Variants in QRICH1 observed in about 807,000 individuals in gnomAD.
QRICH1 encodes transcriptional regulator QRICH1.
A neutral mutation model predicts 87.1 loss-of-function variants in QRICH1; 16 were observed. The observed-to-expected ratio is 0.18, with a 90% CI of 0.12 to 0.28. The LOEUF (loss-of-function observed/expected upper bound fraction) is 0.28, where lower values mean the gene tolerates loss of function less well. Ranked by LOEUF, QRICH1 falls within the 10% of genes least tolerant of loss-of-function variation. The pLI, the probability that QRICH1 is intolerant of heterozygous loss-of-function variation, is 1.00. For missense variants in QRICH1, 647 were observed against 951.7 expected (o/e 0.68, Z 4.21); for synonymous variants, 367 against 368.4 (o/e 1.00, Z 0.05).
chr3:49,062,065 C>T (rs2093438132), intron 2 of QRICH1, among the ~76,000 whole-genome samples: 1 of 151,838 alleles, frequency 6.6e-6, no homozygotes, highest in Non-Finnish European at 1.5e-5. Context: ...TGGCCAGATG[C>T]GGTGGCTCAC....
chr3:49,037,225 A>G (rs1402709689), intron 6 of QRICH1, among the ~76,000 whole-genome samples: 4 of 152,198 alleles, frequency 2.6e-5, no homozygotes, highest in African/African-American at 9.7e-5. Context: ...CCAACTATGA[A>G]GTAATCTTGC....
chr3:49,075,638 AAAAC>A (rs199994093), intron 2 of QRICH1, among the ~76,000 whole-genome samples: 26 of 150,262 alleles, frequency 1.7e-4, no homozygotes, highest in African/African-American at 3.6e-4. Context: ...ACTCAAAGAA[AAAAC>A]AAACAAACAA....
intron 6 of QRICH1, among the ~76,000 whole-genome samples, chr3:49,040,458 GA>G (rs912315894): frequency 9.3e-5 from 14 of 150,680 alleles, no homozygotes; most frequent in Non-Finnish European, 1.8e-4. Flanking sequence ...AAAAGGAGGG[GA>G]AAAAAAAAGA....
At chr3:49,040,468 G>A (rs2093303592) in intron 6 of QRICH1, among the ~76,000 whole-genome samples, 2 of 152,166 alleles carry the variant, frequency 1.3e-5, no homozygotes, top group African/African-American at 4.8e-5. Context: ...GAAAAAAAAA[G>A]ACAAAGTACT....
At chr3:49,054,575 T>C (rs2093389957) in intron 3 of QRICH1, among the ~76,000 whole-genome samples, 1 of 151,912 alleles carries the variant, frequency 6.6e-6, no homozygotes. Context: ...TTTATGCTGT[T>C]CCATTCTTTT....
intron 2 of QRICH1, among the ~76,000 whole-genome samples, chr3:49,075,690 C>CAGCACTTT (rs2041937427): frequency 6.6e-6 from 1 of 151,894 alleles, no homozygotes; most frequent in Non-Finnish European, 1.5e-5. Context: ...CCAGTAATCC[C>CAGCACTTT]AGCACTTTGG....
At chr3:49,048,118 A>ATTTC (rs1381145882) in intron 3 of QRICH1, among the ~76,000 whole-genome samples, 1 of 135,806 alleles carries the variant, frequency 7.4e-6, no homozygotes, top group African/African-American at 2.7e-5. Context: ...CTGAGACAAC[A>ATTTC]TTTCTTTCTT....
chr3:49,030,587 C>G lies in QRICH1; in HGVS notation c.2196G>C (p.Val732=). The G allele has an allele frequency of 1.9e-6, 3 of 1,611,846 alleles. No homozygotes were observed. The highest frequency in any genetic ancestry group is 2.5e-6 in the Non-Finnish European group (3 of 1,178,642). ...AGTACCAGATTGGGCTGTTGGGGGC[C>G]ACCACTGGCTCAGGTGTCAGGTAAA... ...DTFYLTPEPV[V]APNSPIWYSV... The change falls in exon 10 of 10, where the codon GTG becomes GTC. Residue 732 remains valine, a synonymous_variant. Coordinates refer to ENST00000395443, the MANE Select transcript of QRICH1 (RefSeq NM_198880.3).
At chr3:49,043,294 G>A (rs1315148768) in intron 6 of QRICH1, among the ~76,000 whole-genome samples, 11 of 151,280 alleles carry the variant, frequency 7.3e-5, no homozygotes, top group Middle Eastern at 6.8e-3. Context: ...TCAGGAGTTC[G>A]AGACCACCAT....
At chr3:49,094,359 C>T (rs937195059), upstream of QRICH1, 1 of 269,582 alleles carries the variant, frequency 3.7e-6, no homozygotes, top group Non-Finnish European at 6.9e-6. Context: ...GCCAGAGCCT[C>T]CTTTGGTCGA....
chr3:49,090,414 G>A (rs1356868455), intron 1 of QRICH1, among the ~76,000 whole-genome samples: 2 of 149,526 alleles, frequency 1.3e-5, no homozygotes, highest in Non-Finnish European at 3.0e-5. Context: ...AGCCGAGATC[G>A]TGCCACTGCA....
In QRICH1 at chr3:49,086,366, C is replaced by A. The variant is rs558166878; in HGVS notation, c.-22+7546G>T. ...CCACCTCCTGGATTCACACCATTCTCCTGCCTCAGCCTCCCAAGTAGCTGG... is the reference window on the plus strand; with the variant it reads ...CCACCTCCTGGATTCACACCATTCTACTGCCTCAGCCTCCCAAGTAGCTGG... On this transcript the variant is annotated intron_variant, in intron 1 of 9. Transcript: ENST00000395443. Among the ~76,000 whole-genome samples, 5 of 151,990 alleles carry A rather than the reference C, an allele frequency of 3.3e-5. No homozygotes were observed. The East Asian group carries it at 9.7e-4, about 29-fold the overall frequency.
intron 6 of QRICH1, among the ~76,000 whole-genome samples, chr3:49,041,029 GTGATCTTAACTCAA>G (rs1337525813): frequency 6.6e-6 from 1 of 152,152 alleles, no homozygotes; most frequent in Admixed American, 6.5e-5. Context: ...GCAGTGGCAA[GTGATCTTAACTCAA>G]TGCAACCTCC....
intron 2 of QRICH1, among the ~76,000 whole-genome samples, chr3:49,066,965 G>T (rs1226899062): frequency 6.6e-6 from 1 of 151,910 alleles, no homozygotes; most frequent in Non-Finnish European, 1.5e-5. Context: ...TTGAACCTGG[G>T]GGGCGGAGGT....
intron 2 of QRICH1, among the ~76,000 whole-genome samples, chr3:49,066,936 G>A (rs1384594183): frequency 6.6e-6 from 1 of 151,874 alleles, no homozygotes; most frequent in Non-Finnish European, 1.5e-5. Flanking sequence ...GACTCAGGAG[G>A]CTGAGGTAGG....
Position 49,030,577 on chromosome 3 carries a change from T to C in QRICH1, c.2206A>G (p.Ser736Gly). The C allele has an allele frequency of 6.2e-7, 1 of 1,612,756 alleles. No homozygotes were observed. The highest frequency in any genetic ancestry group is 8.5e-7 in the Non-Finnish European group (1 of 1,179,208). The change falls in exon 10 of 10, where the codon AGC becomes GGC. Residue 736 changes from serine (S) to glycine (G), a missense_variant. This residue lies in a region of QRICH1 where 56 missense variants were observed against 79.4 expected (regional missense o/e 0.71). Coordinates refer to ENST00000395443, the MANE Select transcript of QRICH1 (RefSeq NM_198880.3). ...LTPEPVVAPN[S>G]PIWYSVQPIS... is the part of the protein sequence containing the mutation. The stretch of plus-strand genomic sequence containing the variant: ...GGCTGGACTGAGTACCAGATTGGGC[T>C]GTTGGGGGCCACCACTGGCTCAGGT...
intron 3 of QRICH1, among the ~76,000 whole-genome samples, chr3:49,052,378 C>A (rs1193397475): frequency 6.6e-6 from 1 of 152,082 alleles, no homozygotes; most frequent in Admixed American, 6.6e-5. Context: ...AAGTAGGCAG[C>A]TGAATATGTG....
chr3:49,087,930 G>A (rs181787465), intron 1 of QRICH1, among the ~76,000 whole-genome samples: 49 of 147,236 alleles, frequency 3.3e-4, no homozygotes, highest in Admixed American at 2.1e-3. Flanking sequence ...TTTTTTCCAT[G>A]TGAATATATT....
intron 2 of QRICH1, among the ~76,000 whole-genome samples, chr3:49,066,855 T>C (rs986165167): frequency 4.0e-5 from 6 of 151,898 alleles, no homozygotes; most frequent in African/African-American, 1.2e-4. Flanking sequence ...CTGGCCAACA[T>C]GGTTAAACCC....
Sources: allele counts gnomAD v4.1 joint callset (sites outside exome capture counted in the v4.1 genomes callset), GRCh38; gene constraint gnomAD v4.1.1; regional missense constraint gnomAD v4.1.1; transcripts MANE v1.5; gene names NCBI Gene and HGNC (gene_info 2026-07-23, HGNC 2026-07-21).